The following CACNA1A variants were observed in gnomAD, a reference collection of about 807,000 sequenced individuals.
CACNA1A encodes the protein voltage-dependent P/Q-type calcium channel subunit alpha-1A.
In CACNA1A, 57 loss-of-function variants were observed where a neutral mutation model predicts 262.4. The observed-to-expected ratio is 0.22, with a 90% CI of 0.18 to 0.27. The LOEUF is 0.27. CACNA1A is among the 10% of genes least tolerant of loss of function. The pLI is 1.00. For missense variants in CACNA1A, 2,526 were observed against 3,562.8 expected (o/e 0.71, Z 7.41); for synonymous variants, 1,431 against 1,419.3 (o/e 1.01, Z -0.18).
chr19:13,221,955 A>G (rs946848494), intron 38 of CACNA1A, among the ~76,000 whole-genome samples: 2 of 151,680 alleles, frequency 1.3e-5, no homozygotes, highest in Non-Finnish European at 2.9e-5. Context: ...CGCCCAGGCT[A>G]AAGTGCAGTG....
intron 31 of CACNA1A, among the ~76,000 whole-genome samples, chr19:13,243,265 G>A (rs2056129970): frequency 2.0e-5 from 3 of 152,220 alleles, no homozygotes; most frequent in Admixed American, 2.0e-4. Flanking sequence ...CAGGGATAGG[G>A]TGAGGGGAAG....
intron 6 of CACNA1A, among the ~76,000 whole-genome samples, chr19:13,339,933 G>A (rs1303765449): frequency 6.6e-6 from 1 of 152,214 alleles, no homozygotes; most frequent in Non-Finnish European, 1.5e-5. Flanking sequence ...GGTTCTGGAA[G>A]AAAGAACCGA....
intron 46 of CACNA1A, 147 bp downstream of exon 46, chr19:13,208,606 GCAC>G: frequency 9.8e-7 from 1 of 1,015,824 alleles, no homozygotes; most frequent in South Asian, 1.7e-5. Context: ...CGGCCGCCGG[GCAC>G]CCCGGTGGCT....
intron 16 of CACNA1A, 44 bp downstream of exon 16, chr19:13,303,723 C>T (rs975341664): frequency 6.4e-7 from 1 of 1,564,912 alleles, no homozygotes; most frequent in African/African-American, 1.4e-5. Context: ...TCTCCTCTGC[C>T]AGAGGTCCAG....
chr19:13,245,134 C>T, intron 31 of CACNA1A, 48 bp downstream of exon 31: 2 of 1,485,402 alleles, frequency 1.3e-6, no homozygotes, highest in East Asian at 2.3e-5. Context: ...CTGCCGCCTG[C>T]CTCGTCCAGC....
intron 38 of CACNA1A, among the ~76,000 whole-genome samples, chr19:13,217,048 G>A (rs1188630956): frequency 6.6e-6 from 1 of 152,154 alleles, no homozygotes; most frequent in East Asian, 1.9e-4. Flanking sequence ...CATGAGAATC[G>A]CTTGAACCTG....
At chr19:13,490,230 A>G (rs1980590796) in intron 1 of CACNA1A, among the ~76,000 whole-genome samples, 1 of 152,172 alleles carries the variant, frequency 6.6e-6, no homozygotes, top group Non-Finnish European at 1.5e-5. Context: ...CTGCAAGAAA[A>G]TGCTACACTG....
At position 13,393,964 on chromosome 19, in the gene CACNA1A, C is replaced by A. The variant is rs550365693; in HGVS notation, c.540-22185G>T. Reference sequence around the variant, plus strand: ...ACTCGGCTATGTTCTGTTTCTTGAACTAGGCGCTGGTTACATGACTGGGCT... The same window carrying A: ...ACTCGGCTATGTTCTGTTTCTTGAAATAGGCGCTGGTTACATGACTGGGCT... On this transcript the variant is annotated intron_variant, in intron 3 of 46. Coordinates refer to ENST00000360228, the MANE Select transcript of CACNA1A (RefSeq NM_001127222.2). 7.9e-5 allele frequency among the ~76,000 whole-genome samples: 12 copies of A among 152,152 alleles called. No individual in the cohort carries two copies. The South Asian group carries it at 1.7e-3, about 21-fold the overall frequency.
At chr19:13,371,195 TA>T (rs2059317523) in intron 4 of CACNA1A, 1 of 152,800 alleles carries the variant, frequency 6.5e-6, no homozygotes, top group South Asian at 2.1e-4. Context: ...GTAATTCATG[TA>T]AAGTCCTTCT....
At chr19:13,270,836 C>T (rs142103396) in intron 24 of CACNA1A, among the ~76,000 whole-genome samples, 1 of 152,310 alleles carries the variant, frequency 6.6e-6, no homozygotes, top group Non-Finnish European at 1.5e-5. Flanking sequence ...CTGTTGGACT[C>T]ATGTCCGTCG....
chr19:13,403,712 G>T (rs1263238654), intron 3 of CACNA1A, among the ~76,000 whole-genome samples: 1 of 152,094 alleles, frequency 6.6e-6, no homozygotes, highest in Non-Finnish European at 1.5e-5. Flanking sequence ...GAGGTGGGGG[G>T]ATTGCTTGAA....
chr19:13,505,416 A>T (rs917484709), intron 1 of CACNA1A, among the ~76,000 whole-genome samples: 4 of 152,090 alleles, frequency 2.6e-5, no homozygotes, highest in Non-Finnish European at 5.9e-5. Flanking sequence ...CCCTGCCCTA[A>T]AAGTGCGGCG....
chr19:13,303,680 T>C, intron 16 of CACNA1A, 67 bp from the exon 17 acceptor site: 1 of 1,552,184 alleles, frequency 6.4e-7, no homozygotes, highest in East Asian at 2.2e-5. Context: ...GGTATCTGGG[T>C]CTCTCAGTAC....
At chr19:13,461,936 T>C (rs1199298583) in intron 1 of CACNA1A, among the ~76,000 whole-genome samples, 1 of 152,000 alleles carries the variant, frequency 6.6e-6, no homozygotes, top group Admixed American at 6.5e-5. Flanking sequence ...GACACAGAGC[T>C]CTATACACAA....
chr19:13,490,658 A>C (rs1980656023), intron 1 of CACNA1A, among the ~76,000 whole-genome samples: 1 of 145,866 alleles, frequency 6.9e-6, no homozygotes, highest in Non-Finnish European at 1.5e-5. Flanking sequence ...AGGAAGGAGA[A>C]AGAAGGAAAG....
chr19:13,237,405 A>AT (rs1208320958), intron 31 of CACNA1A, among the ~76,000 whole-genome samples: 1 of 152,198 alleles, frequency 6.6e-6, no homozygotes, highest in African/African-American at 2.4e-5. Flanking sequence ...CAGGGTGACC[A>AT]TACAGTCACA....
At chr19:13,411,506 T>C (rs777174358) in intron 3 of CACNA1A, among the ~76,000 whole-genome samples, 2 of 152,158 alleles carry the variant, frequency 1.3e-5, no homozygotes, top group Non-Finnish European at 2.9e-5. Context: ...ACTTCTCCTT[T>C]GCCTTCTGCC....
At chr19:13,457,900 A>G (rs1274878789) in intron 1 of CACNA1A, among the ~76,000 whole-genome samples, 1 of 152,094 alleles carries the variant, frequency 6.6e-6, no homozygotes, top group Non-Finnish European at 1.5e-5. Context: ...ATGATAGAAC[A>G]GGAATGAACC....
intron 30 of CACNA1A, among the ~76,000 whole-genome samples, chr19:13,246,963 T>C (rs1007351536): frequency 6.6e-6 from 1 of 152,204 alleles, no homozygotes; most frequent in African/African-American, 2.4e-5. Flanking sequence ...CCACATTGTT[T>C]GGAGAACAGT....
Sources: gnomAD v4.1 joint callset for allele counts (sites outside exome capture counted in the v4.1 genomes callset) on GRCh38, gnomAD v4.1.1 for gene constraint, MANE v1.5 for transcripts, NCBI Gene and HGNC (gene_info 2026-07-23, HGNC 2026-07-21) for gene names.